Variants in ADGRL2 observed in about 807,000 individuals in gnomAD.
The protein encoded by ADGRL2 is adhesion G protein-coupled receptor L2, also known as calcium-independent alpha-latrotoxin receptor 2.
Under a neutral mutation model 157.4 loss-of-function variants are expected in ADGRL2, and 44 were observed. That is an observed-to-expected ratio of 0.28 (90% CI 0.22 to 0.36). The LOEUF is 0.36. Among genes scored for constraint, ADGRL2 ranks in the 10% least tolerant of loss-of-function variants. The pLI is 1.00. For missense variants in ADGRL2, 1,510 were observed against 1,768.9 expected, an observed-to-expected ratio of 0.85 and a Z score of 2.63; for synonymous variants, 585 against 624.7, an observed-to-expected ratio of 0.94 and a Z score of 0.95.
chr1:81,503,432 C>T, intron 2 of ADGRL2: 6 of 1,613,426 alleles, frequency 3.7e-6, no homozygotes, highest in Non-Finnish European at 5.1e-6. Flanking sequence ...TCCCGGGGCA[C>T]CCCCAGCGCA....
At chr1:81,504,075 G>A (rs1482830121) in intron 2 of ADGRL2, among the ~76,000 whole-genome samples, 2 of 152,178 alleles carry the variant, frequency 1.3e-5, no homozygotes, top group African/African-American at 4.8e-5. Context: ...CTAATGGTCT[G>A]AAGGAAGAGG....
intron 1 of ADGRL2, among the ~76,000 whole-genome samples, chr1:81,372,691 G>T (rs2076181636): frequency 6.6e-6 from 1 of 152,080 alleles, no homozygotes; most frequent in Non-Finnish European, 1.5e-5. Context: ...AATTGACTTT[G>T]TCATCTGTTA....
At chr1:81,711,127 T>C (rs2083913515) in intron 1 of ADGRL2, among the ~76,000 whole-genome samples, 1 of 152,234 alleles carries the variant, frequency 6.6e-6, no homozygotes, top group African/African-American at 2.4e-5. Context: ...GAAAAGTCTT[T>C]ACATATTACG....
chr1:81,750,893 G>A (rs1365869737), intron 1 of ADGRL2, among the ~76,000 whole-genome samples: 1 of 152,110 alleles, frequency 6.6e-6, no homozygotes, highest in Non-Finnish European at 1.5e-5. Flanking sequence ...TATCTCCTTG[G>A]TTCTGGATCC....
chr1:81,889,978 C>A (rs1333342718), intron 2 of ADGRL2, among the ~76,000 whole-genome samples: 1 of 152,190 alleles, frequency 6.6e-6, no homozygotes, highest in African/African-American at 2.4e-5. Flanking sequence ...TGCTTTAATG[C>A]TCCTCATCTC....
chr1:81,526,420 T>C (rs2079457073), intron 2 of ADGRL2, among the ~76,000 whole-genome samples: 1 of 152,324 alleles, frequency 6.6e-6, no homozygotes, highest in South Asian at 2.1e-4. Flanking sequence ...CATGTCAATA[T>C]TATAGCTTGA....
chr1:81,686,805 C>A (rs1443846730), intron 3 of ADGRL2, among the ~76,000 whole-genome samples: 1 of 152,146 alleles, frequency 6.6e-6, no homozygotes, highest in African/African-American at 2.4e-5. Context: ...ACTGCCTTAG[C>A]TGTATCCCAG....
chr1:81,515,519 G>A (rs1376379976), intron 2 of ADGRL2, among the ~76,000 whole-genome samples: 1 of 151,242 alleles, frequency 6.6e-6, no homozygotes, highest in African/African-American at 2.4e-5. Flanking sequence ...GACAGTGTCT[G>A]TATAGACAGT....
intron 2 of ADGRL2, among the ~76,000 whole-genome samples, chr1:81,526,629 C>T (rs1448350253): frequency 6.6e-6 from 1 of 152,126 alleles, no homozygotes; most frequent in African/African-American, 2.4e-5. Flanking sequence ...GGATTCTCTC[C>T]TATTGAGATT....
chr1:81,390,774 A>G (rs1485981091), intron 1 of ADGRL2, among the ~76,000 whole-genome samples: 4 of 152,306 alleles, frequency 2.6e-5, no homozygotes, highest in African/African-American at 4.8e-5. Context: ...TTGGTACTGC[A>G]AAGTATTTCA....
At chr1:81,811,071 G>T (rs928491463) in intron 1 of ADGRL2, among the ~76,000 whole-genome samples, 2 of 151,614 alleles carry the variant, frequency 1.3e-5, no homozygotes, top group African/African-American at 2.4e-5. Context: ...TATTGTTACG[G>T]GTTTTAAACT....
At chr1:81,502,799 A>G in intron 2 of ADGRL2, 2 of 1,612,660 alleles carry the variant, frequency 1.2e-6, no homozygotes, top group South Asian at 1.1e-5. Context: ...CTCTTTGGCT[A>G]CTCACCTGCT....
At chr1:81,930,403 A>G (rs2095204212) in intron 3 of ADGRL2, among the ~76,000 whole-genome samples, 1 of 152,102 alleles carries the variant, frequency 6.6e-6, no homozygotes, top group Non-Finnish European at 1.5e-5. Context: ...TGCTTTACAC[A>G]TTTTTTTGAG....
intron 3 of ADGRL2, among the ~76,000 whole-genome samples, chr1:81,647,979 C>A (rs2082346021): frequency 6.6e-6 from 1 of 152,154 alleles, no homozygotes. Context: ...TAACTTTCTG[C>A]CTTTTTTCTT....
At chr1:81,610,364 G>A (rs982900653) in intron 3 of ADGRL2, among the ~76,000 whole-genome samples, 2 of 151,464 alleles carry the variant, frequency 1.3e-5, no homozygotes, top group Non-Finnish European at 2.9e-5. Context: ...ATTCCAGACA[G>A]AGGTAAAAGG....
At chr1:81,820,225 T>C (rs551696587) in intron 1 of ADGRL2, among the ~76,000 whole-genome samples, 1 of 152,188 alleles carries the variant, frequency 6.6e-6, no homozygotes, top group Non-Finnish European at 1.5e-5. Flanking sequence ...TAAATGCTTA[T>C]CATCGATTAT....
intron 19 of ADGRL2, among the ~76,000 whole-genome samples, chr1:81,983,387 G>C (rs114319288): frequency 7.2e-5 from 11 of 151,996 alleles, no homozygotes; most frequent in Non-Finnish European, 1.3e-4. Flanking sequence ...AAAATGCTTT[G>C]AAGACTCAAC....
intron 3 of ADGRL2, among the ~76,000 whole-genome samples, chr1:81,628,020 A>G (rs1468165110): frequency 6.6e-6 from 1 of 152,178 alleles, no homozygotes; most frequent in Non-Finnish European, 1.5e-5. Context: ...AGCCAATCAC[A>G]GCATTTTTTG....
rs1482522951 is a variant in ADGRL2, at chr1:81,719,913, G to A, written c.-143+20105G>A. ...TCTATTTTTAAAATGTGATATGGGAGAAAACATGATTTTGTGGACTGTGTT... is the reference window on the plus strand; with the variant it reads ...TCTATTTTTAAAATGTGATATGGGAAAAAACATGATTTTGTGGACTGTGTT... On this transcript the variant is annotated intron_variant, in intron 1 of 20. Coordinates refer to the ADGRL2 transcript ENST00000359929. Among the ~76,000 whole-genome samples, 3 of 152,142 alleles carry A rather than the reference G, an allele frequency of 2.0e-5. No homozygotes were observed. The East Asian group carries it at 5.8e-4, about 29-fold the overall frequency.
Sources: allele counts gnomAD v4.1 joint callset (sites outside exome capture counted in the v4.1 genomes callset), GRCh38; gene constraint gnomAD v4.1.1; transcripts MANE v1.5; gene names NCBI Gene and HGNC (gene_info 2026-07-23, HGNC 2026-07-21).